Variants in CELA1 observed in about 807,000 individuals in gnomAD.
The protein encoded by CELA1 is chymotrypsin like elastase 1.
A neutral mutation model predicts 34.8 loss-of-function variants in CELA1; 28 were observed. The ratio of observed to expected loss-of-function variants is 0.80; its 90% CI spans 0.60 to 1.10. The LOEUF (loss-of-function observed/expected upper bound fraction) is 1.10, where lower values mean the gene tolerates loss of function less well. CELA1 is among the 50% of genes least tolerant of loss of function. The pLI, the probability that CELA1 is intolerant of heterozygous loss-of-function variation, is 0.00. For missense variants in CELA1, 288 were observed against 327.5 expected, an observed-to-expected ratio of 0.88 and a Z score of 0.93; for synonymous variants, 140 against 129.8, an observed-to-expected ratio of 1.08 and a Z score of -0.53.
rs1467695663 is a variant in CELA1, at chr12:51,329,791, A to T, written c.652T>A (p.Tyr218Asn). ...AAGCTGGTCACTCCATGGACAGAAT[A>T]CTTGCCATTCACCAAGCAATGGAGG... The part of the protein sequence containing the change: ...GPLHCLVNGK[Y>N]SVHGVTSFVS... Residue 218 changes from tyrosine (Y) to asparagine (N), a missense_variant, in exon 7 of 8, where the codon TAT becomes AAT. Physicochemically the swap from Tyr to Asn is moderately radical, Grantham distance 143. Coordinates refer to ENST00000293636, the MANE Select transcript of CELA1 (RefSeq NM_001971.6). 6.2e-7 allele frequency: 1 copy of T among 1,612,248 alleles called. No individual in the cohort carries two copies. Among genetic ancestry groups the T allele is most frequent in the Admixed American group, 1.7e-5 (1 of 59,596 alleles).
At chr12:51,341,070 A>G (rs975660575) in intron 5 of CELA1, among the ~76,000 whole-genome samples, 174 bp downstream of exon 5, 4 of 152,194 alleles carry the variant, frequency 2.6e-5, no homozygotes, top group African/African-American at 9.7e-5. Flanking sequence ...GAATCTGTCA[A>G]CTACTTCACA....
At chr12:51,337,641 A>G (rs1946508469) in intron 6 of CELA1, among the ~76,000 whole-genome samples, 1 of 151,164 alleles carries the variant, frequency 6.6e-6, no homozygotes, top group African/African-American at 2.4e-5. Flanking sequence ...GAAATTTTAT[A>G]TATTCTTCAT....
chr12:51,337,376 A>G (rs543106361), intron 6 of CELA1, among the ~76,000 whole-genome samples: 1 of 151,974 alleles, frequency 6.6e-6, no homozygotes, highest in Non-Finnish European at 1.5e-5. Context: ...CACTACCAAA[A>G]ACAAAACAAA....
chr12:51,343,603 A>G (rs1946550208), intron 3 of CELA1, 150 bp downstream of exon 3: 3 of 576,820 alleles, frequency 5.2e-6, no homozygotes, highest in South Asian at 2.2e-5. Context: ...TACTTTCACC[A>G]TACTACCTCC....
At chr12:51,341,537 A>T (rs1946535390) in intron 4 of CELA1, among the ~76,000 whole-genome samples, 157 bp from the exon 5 acceptor site, 1 of 152,246 alleles carries the variant, frequency 6.6e-6, no homozygotes, top group South Asian at 2.1e-4. Context: ...AAACTAGAGC[A>T]ATTACAATTT....
chr12:51,340,461 C>T (rs922856295), intron 5 of CELA1, among the ~76,000 whole-genome samples: 1 of 147,740 alleles, frequency 6.8e-6, no homozygotes, highest in Non-Finnish European at 1.5e-5. Flanking sequence ...GCAATCTCGG[C>T]TCACCACAAC....
intron 3 of CELA1, among the ~76,000 whole-genome samples, chr12:51,343,399 T>C (rs1946549326): frequency 6.6e-6 from 1 of 152,040 alleles, no homozygotes; most frequent in Non-Finnish European, 1.5e-5. Context: ...CCAAGACAAA[T>C]AGGAAAAAAT....
Position 51,343,827 on chromosome 12 carries a change from A to T in CELA1, c.126T>A (p.Gly42=), listed in dbSNP as rs776297306. The T allele has an allele frequency of 1.2e-6, 2 of 1,603,942 alleles. No homozygotes were observed. Among genetic ancestry groups the T allele is most frequent in the Non-Finnish European group, 1.7e-6 (2 of 1,172,168 alleles). ...SQISLQYRSG[G]SRYHTCGGTL... ...TCCCTCCACAGGTGTGATACCGGGA[A>T]CCTCCAGACCGGTACTGGAGGGAAA... The change falls in exon 3 of 8, where the codon GGT becomes GGA. Residue 42 remains glycine (G), a synonymous_variant. Coordinates refer to ENST00000293636, the MANE Select transcript of CELA1 (RefSeq NM_001971.6).
chr12:51,333,489 GCTCAAGCAGTC>G (rs1484036396), intron 6 of CELA1, among the ~76,000 whole-genome samples: 2 of 151,670 alleles, frequency 1.3e-5, no homozygotes, highest in Non-Finnish European at 2.9e-5. Flanking sequence ...AATCTCCTGG[GCTCAAGCAGTC>G]CTCCCACTTC....
At chr12:51,342,226 G>A (rs1946540656) in intron 4 of CELA1, among the ~76,000 whole-genome samples, 1 of 152,058 alleles carries the variant, frequency 6.6e-6, no homozygotes, top group African/African-American at 2.4e-5. Context: ...GTACAGACAG[G>A]GTTTCACCAT....
At chr12:51,338,281 C>T (rs1311174974) in intron 6 of CELA1, among the ~76,000 whole-genome samples, 1 of 47,362 alleles carries the variant, frequency 2.1e-5, no homozygotes, top group African/African-American at 5.9e-5. Flanking sequence ...CACACACACA[C>T]ACACACATAC....
chr12:51,334,714 A>G (rs562684988), intron 6 of CELA1, among the ~76,000 whole-genome samples: 4 of 152,278 alleles, frequency 2.6e-5, no homozygotes, highest in East Asian at 3.9e-4. Flanking sequence ...GATTACAGGC[A>G]TGAGCCACTG....
At chr12:51,343,184 T>C (rs372570827) in intron 3 of CELA1, among the ~76,000 whole-genome samples, 27 of 152,268 alleles carry the variant, frequency 1.8e-4, no homozygotes, top group African/African-American at 6.0e-4. Flanking sequence ...CACCAAGATT[T>C]TGAAGGAAGC....
Position 51,329,669 on chromosome 12 carries a change from T to C in CELA1, c.759+15A>G. 1.3e-5 allele frequency: 20 copies of C among 1,599,904 alleles called. No homozygotes were observed. Among genetic ancestry groups the C allele is most frequent in the Non-Finnish European group, 1.7e-5 (20 of 1,173,082 alleles). On this transcript the variant is annotated intron_variant, in intron 7 of 7. Coordinates refer to ENST00000293636, the MANE Select transcript of CELA1 (RefSeq NM_001971.6). ...CAGGTGACCCCATTTCAACCCATCA[T>C]TTGAGAGGACTCACATTATTTATCC...
At chr12:51,335,191 A>G (rs1946493764) in intron 6 of CELA1, among the ~76,000 whole-genome samples, 1 of 151,976 alleles carries the variant, frequency 6.6e-6, no homozygotes. Context: ...TGTGCCATCC[A>G]TTATTATTAT....
At chr12:51,343,939 A>T (rs765629315) in intron 2 of CELA1, 86 bp from the exon 3 acceptor site, 29 of 726,814 alleles carry the variant, frequency 4.0e-5, no homozygotes, top group African/African-American at 8.7e-5. Context: ...TCATGCCAGT[A>T]ATCCCAGAAC....
chr12:51,340,981 A>G (rs1416815018), intron 5 of CELA1, among the ~76,000 whole-genome samples: 7 of 152,208 alleles, frequency 4.6e-5, no homozygotes, highest in Non-Finnish European at 8.8e-5. Context: ...CTGTCTCTAA[A>G]TAAATAAATA....
intron 6 of CELA1, among the ~76,000 whole-genome samples, chr12:51,334,779 T>C (rs996967922): frequency 1.3e-5 from 2 of 152,162 alleles, no homozygotes; most frequent in African/African-American, 4.8e-5. Flanking sequence ...CCAGCTTCTC[T>C]CTCTCCTCCA....
At chr12:51,341,123 T>C in intron 5 of CELA1, 121 bp downstream of exon 5, 1 of 970,958 alleles carries the variant, frequency 1.0e-6, no homozygotes, top group Non-Finnish European at 1.6e-6. Flanking sequence ...ATTGTATCTA[T>C]GGTTCTTTTA....
Sources: gnomAD v4.1 joint callset for allele counts (sites outside exome capture counted in the v4.1 genomes callset) on GRCh38, gnomAD v4.1.1 for gene constraint, MANE v1.5 for transcripts, NCBI Gene and HGNC (gene_info 2026-07-23, HGNC 2026-07-21) for gene names.